Variants in RBMS3 observed in about 807,000 individuals in gnomAD.
RBMS3 encodes RNA binding motif single stranded interacting protein 3, also known as RNA-binding motif, single-stranded-interacting protein 3.
A neutral mutation model predicts 66.8 loss-of-function variants in RBMS3; 27 were observed. That is an observed-to-expected ratio of 0.40 (90% CI 0.30 to 0.56). The LOEUF (loss-of-function observed/expected upper bound fraction) is 0.56, where lower values mean the gene tolerates loss of function less well. Ranked by LOEUF, RBMS3 falls within the 20% of genes least tolerant of loss-of-function variation. The probability of loss-of-function intolerance (pLI) is 0.40; values close to 1 mark genes in which losing one functional copy is unlikely to be tolerated. For synonymous variants in RBMS3, 188 were observed against 183.0 expected (o/e 1.03, Z -0.22); for missense variants, 513 against 549.5 (o/e 0.93, Z 0.66).
At chr3:29,386,346 A>G (rs1298677761) in intron 1 of RBMS3, among the ~76,000 whole-genome samples, 2 of 152,122 alleles carry the variant, frequency 1.3e-5, no homozygotes, top group Non-Finnish European at 2.9e-5. Flanking sequence ...CTGCCTTTCA[A>G]TATTTATTCC....
At chr3:29,946,145 G>A (rs1695289553) in intron 12 of RBMS3, among the ~76,000 whole-genome samples, 1 of 151,646 alleles carries the variant, frequency 6.6e-6, no homozygotes, top group South Asian at 2.1e-4. Context: ...TTTGGTCTAC[G>A]TCTAAATAGA....
intron 4 of RBMS3, among the ~76,000 whole-genome samples, chr3:29,591,345 C>A (rs2047730941): frequency 6.6e-6 from 1 of 152,158 alleles, no homozygotes. Flanking sequence ...GAGAAGTTAT[C>A]TGTCTGAATT....
At chr3:29,444,376 T>G (rs1484658330) in intron 2 of RBMS3, among the ~76,000 whole-genome samples, 2 of 152,104 alleles carry the variant, frequency 1.3e-5, no homozygotes, top group Non-Finnish European at 2.9e-5. Context: ...TAATAAGTTT[T>G]GTTTAAGAGC....
chr3:29,535,639 G>T (rs114617406), intron 3 of RBMS3, among the ~76,000 whole-genome samples: 1 of 137,132 alleles, frequency 7.3e-6, no homozygotes, highest in South Asian at 2.6e-4. Flanking sequence ...TAAAGAATTT[G>T]TAAGACCTAT....
intron 4 of RBMS3, chr3:29,696,843 A>G: frequency 1.8e-6 from 1 of 568,944 alleles, no homozygotes; most frequent in Non-Finnish European, 2.2e-6. Context: ...TGTAGGGTAC[A>G]CATCTTAGAG....
intron 11 of RBMS3, among the ~76,000 whole-genome samples, chr3:29,941,576 T>A (rs2061394872): frequency 6.6e-6 from 1 of 151,826 alleles, no homozygotes; most frequent in African/African-American, 2.4e-5. Flanking sequence ...GAAGGGAGTC[T>A]TATAAACAAT....
intron 3 of RBMS3, among the ~76,000 whole-genome samples, chr3:29,557,322 G>A (rs138256709): frequency 6.6e-6 from 1 of 152,260 alleles, no homozygotes; most frequent in East Asian, 1.9e-4. Flanking sequence ...CAACCAGATT[G>A]CCTGTGTGTA....
At chr3:29,805,861 A>G (rs527541409) in intron 6 of RBMS3, among the ~76,000 whole-genome samples, 2 of 152,148 alleles carry the variant, frequency 1.3e-5, no homozygotes, top group South Asian at 4.1e-4. Context: ...ATGCAGCCTA[A>G]GTATACAGTA....
intron 1 of RBMS3, among the ~76,000 whole-genome samples, chr3:29,290,453 T>C (rs1164053792): frequency 6.6e-6 from 1 of 151,848 alleles, no homozygotes; most frequent in Non-Finnish European, 1.5e-5. Flanking sequence ...TCATTTTCTT[T>C]GACTTGGTGG....
intron 1 of RBMS3, among the ~76,000 whole-genome samples, chr3:29,289,130 T>A (rs986266055): frequency 1.3e-5 from 2 of 151,912 alleles, no homozygotes; most frequent in African/African-American, 4.8e-5. Flanking sequence ...AAAGTTGGTT[T>A]CTGTTCATAT....
chr3:29,613,261 T>C (rs552055083), intron 4 of RBMS3, among the ~76,000 whole-genome samples: 3 of 152,280 alleles, frequency 2.0e-5, no homozygotes, highest in African/African-American at 7.2e-5. Context: ...GGAATCTCCA[T>C]ACTATTTTCC....
chr3:29,361,638 A>G (rs540822792), intron 1 of RBMS3, among the ~76,000 whole-genome samples: 13 of 152,252 alleles, frequency 8.5e-5, no homozygotes, highest in South Asian at 2.1e-4. Flanking sequence ...TATCTTGCAG[A>G]GTGTTTTCCA....
intron 1 of RBMS3, among the ~76,000 whole-genome samples, chr3:29,361,727 C>A (rs2037602354): frequency 6.6e-6 from 1 of 152,208 alleles, no homozygotes; most frequent in Non-Finnish European, 1.5e-5. Context: ...TCCCATATTT[C>A]TTGGAGGCTT....
intron 4 of RBMS3, among the ~76,000 whole-genome samples, chr3:29,637,182 G>C (rs2049507907): frequency 6.6e-6 from 1 of 151,708 alleles, no homozygotes; most frequent in African/African-American, 2.4e-5. Flanking sequence ...CTGATCCAAA[G>C]CGATGCCAGA....
rs528095616 is a variant in RBMS3, at chr3:29,648,470, G to T, written c.399+61265G>T. Among the ~76,000 whole-genome samples, 13 of 151,464 alleles carry T rather than the reference G, an allele frequency of 8.6e-5. 1 individual carries two copies. Among genetic ancestry groups the T allele is most frequent in the African/African-American group, 3.1e-4 (13 of 41,278 alleles). On this transcript the variant is annotated intron_variant, in intron 4 of 14. Coordinates refer to ENST00000383767, the MANE Select transcript of RBMS3 (RefSeq NM_001003793.3). ...GTATTTTTTGTAGAGACAGGGTTTT[G>T]CCATGTTGCCCAGGCTGGTCTTGAA...
At chr3:29,374,623 A>G (rs1359992650) in intron 1 of RBMS3, among the ~76,000 whole-genome samples, 5 of 152,222 alleles carry the variant, frequency 3.3e-5, no homozygotes, top group Non-Finnish European at 7.3e-5. Flanking sequence ...TGTTCTGAGC[A>G]TGTTTAAGTT....
At position 29,844,419 on chromosome 3, in the gene RBMS3, G is replaced by T. The variant is rs530887011; in HGVS notation, c.638-24439G>T. 9.1e-4 allele frequency among the ~76,000 whole-genome samples: 139 copies of T among 152,286 alleles called. 1 individual carries two copies. Among genetic ancestry groups the T allele is most frequent in the African/African-American group, 3.3e-3 (136 of 41,562 alleles). ...TATTAGAGTACGGTATTTAAGGTTT[G>T]TTAGAGAACACAGAGTATGGAAACA... On this transcript the variant is annotated intron_variant, in intron 6 of 14. Transcript: ENST00000383767.
rs116456507 is a variant in RBMS3 at position 29,751,746 on chromosome 3, G to A, written c.558-11164G>A. 2.1e-3 allele frequency among the ~76,000 whole-genome samples: 323 copies of A among 152,276 alleles called. 1 individual carries two copies. The highest frequency in any genetic ancestry group is 4.7e-3 in the Admixed American group (72 of 15,290). On this transcript the variant is annotated intron_variant, in intron 5 of 14. Transcript: ENST00000383767. ...GGTTTTGAGACAGGATAGTTCCCTTGGTACCTTTGTGGGACTCACAAAGGG... is the reference window on the plus strand; with the variant it reads ...GGTTTTGAGACAGGATAGTTCCCTTAGTACCTTTGTGGGACTCACAAAGGG...
intron 6 of RBMS3, among the ~76,000 whole-genome samples, chr3:29,814,286 T>C (rs994922363): frequency 3.3e-5 from 5 of 152,216 alleles, no homozygotes; most frequent in Admixed American, 6.5e-5. Context: ...ATTACATTTA[T>C]TGATTTGCGT....
Sources: allele counts gnomAD v4.1 joint callset (sites outside exome capture counted in the v4.1 genomes callset), GRCh38; gene constraint gnomAD v4.1.1; transcripts MANE v1.5; gene names NCBI Gene and HGNC (gene_info 2026-07-23, HGNC 2026-07-21).